The following ATP1B3 variants were observed in gnomAD, a reference collection of about 807,000 sequenced individuals.
ATP1B3 encodes the protein sodium/potassium-transporting ATPase subunit beta-3.
ATP1B3 carries 10 observed loss-of-function variants against 30.2 expected under a neutral mutation model. That is an observed-to-expected ratio of 0.33 (90% CI 0.20 to 0.56). ATP1B3 has a LOEUF of 0.56. ATP1B3 is among the 20% of genes least tolerant of loss of function. ATP1B3 has a pLI of 0.90. For synonymous variants in ATP1B3, 113 were observed against 117.0 expected, an observed-to-expected ratio of 0.97 and a Z score of 0.22; for missense variants, 238 against 336.7, an observed-to-expected ratio of 0.71 and a Z score of 2.29.
chr3:141,904,206 G>A (rs890170825), intron 2 of ATP1B3, among the ~76,000 whole-genome samples: 1 of 152,010 alleles, frequency 6.6e-6, no homozygotes, highest in African/African-American at 2.4e-5. Flanking sequence ...AATTTTTGTT[G>A]TTGTTGTTTA....
At chr3:141,904,398 G>T (rs572789467) in intron 2 of ATP1B3, among the ~76,000 whole-genome samples, 2 of 151,896 alleles carry the variant, frequency 1.3e-5, no homozygotes, top group South Asian at 2.1e-4. Context: ...AGTGACTTAT[G>T]AGTATCGTAG....
intron 5 of ATP1B3, among the ~76,000 whole-genome samples, chr3:141,917,092 A>T (rs1276652921): frequency 6.9e-6 from 1 of 145,922 alleles, no homozygotes; most frequent in Non-Finnish European, 1.5e-5. Context: ...TGACCTCGTG[A>T]TCTGCCCGCC....
intron 1 of ATP1B3, among the ~76,000 whole-genome samples, chr3:141,892,939 G>A (rs537126003): frequency 6.6e-6 from 1 of 152,222 alleles, no homozygotes; most frequent in South Asian, 2.1e-4. Flanking sequence ...ATAAGGAAAA[G>A]CAATTAAAAC....
At chr3:141,906,401 A>T (rs1576396596) in intron 2 of ATP1B3, among the ~76,000 whole-genome samples, 1 of 151,942 alleles carries the variant, frequency 6.6e-6, no homozygotes, top group African/African-American at 2.4e-5. Flanking sequence ...GCTGGTCTCG[A>T]CCTCCTGACC....
At chr3:141,913,557 G>A in intron 3 of ATP1B3, 95 bp from the exon 4 acceptor site, 1 of 1,087,754 alleles carries the variant, frequency 9.2e-7, no homozygotes, top group South Asian at 2.0e-5. Flanking sequence ...TGCTGTTTTT[G>A]TCTTTGAAGA....
chr3:141,903,528 C>G (rs747160668), intron 1 of ATP1B3, 92 bp from the exon 2 acceptor site: 460 of 1,556,752 alleles, frequency 3.0e-4, no homozygotes, highest in Non-Finnish European at 3.9e-4. Flanking sequence ...CGTACCCTTG[C>G]AAGAACAGTT....
rs1934405074 is a variant in ATP1B3, at chr3:141,913,551, GT to G, written c.347-96del. ...AAGTTATCTGGTAATTTACATTGCT[GT>G]TTTTGTCTTTGAAGAACATTTTCCA... On this transcript the variant is annotated intron_variant, in intron 3 of 6. Coordinates refer to ENST00000286371, the MANE Select transcript of ATP1B3 (RefSeq NM_001679.4). 5.7e-6 allele frequency: 6 copies of G among 1,056,962 alleles called. No individual in the cohort carries two copies. In the South Asian group the frequency reaches 7.9e-5, roughly 14 times the overall value. 65.5% of individuals were successfully genotyped at this position (1,056,962 alleles called of 1,614,324 possible). A position where few individuals can be genotyped will look rare whatever the true frequency, so the allele number is the denominator to read the frequency against.
intron 1 of ATP1B3, chr3:141,902,223 A>G: frequency 7.8e-7 from 1 of 1,286,472 alleles, no homozygotes. Flanking sequence ...TATTTTGGCC[A>G]CCTGGTAATT....
chr3:141,922,126 G>C, intron 6 of ATP1B3, 63 bp downstream of exon 6: 1 of 984,990 alleles, frequency 1.0e-6, no homozygotes, highest in Non-Finnish European at 1.5e-6. Context: ...ATGTGTTGAC[G>C]TACCACTTGT....
Position 141,925,563 on chromosome 3 carries a change from G to C in ATP1B3, c.702G>C (p.Gln234His). Residue 234 changes from glutamine (Q) to histidine (H), a missense_variant, in exon 7 of 7, where the codon CAG becomes CAC. Coordinates refer to ENST00000286371, the MANE Select transcript of ATP1B3 (RefSeq NM_001679.4). ...ATCTACAGCCATTGGTTGCTGTTCA[G>C]GTCAGCTTTGCTCCTAACAACACTG... The part of the protein sequence containing the change: ...VGYLQPLVAV[Q>H]VSFAPNNTGK... 1 of 1,613,200 alleles carries C rather than the reference G, an allele frequency of 6.2e-7. No individual in the cohort carries two copies. The highest frequency in any genetic ancestry group is 8.5e-7 in the Non-Finnish European group (1 of 1,179,622).
At chr3:141,882,786 A>G (rs373933310) in intron 1 of ATP1B3, among the ~76,000 whole-genome samples, 17 of 151,944 alleles carry the variant, frequency 1.1e-4, no homozygotes, top group African/African-American at 4.1e-4. Context: ...GTTTTTTTCC[A>G]TGTTGGTCAG....
chr3:141,903,705 C>G lies in ATP1B3; in HGVS notation c.195C>G (p.Leu65=). 3 of 1,614,104 alleles carry G rather than the reference C, an allele frequency of 1.9e-6. No homozygotes were observed. The highest frequency in any genetic ancestry group is 1.6e-4 in the Middle Eastern group (1 of 6,062). ...CGATGTGGGTTATGCTTCAGACTCT[C>G]AACGATGAGGTTCCAAAATACCGTG... ...SFTMWVMLQT[L]NDEVPKYRDQ... is the part of the protein sequence containing the mutation. Residue 65 remains leucine (L), a synonymous_variant, in exon 2 of 7, where the codon CTC becomes CTG. Coordinates refer to ENST00000286371, the MANE Select transcript of ATP1B3 (RefSeq NM_001679.4).
At chr3:141,881,395 G>C (rs544581402) in intron 1 of ATP1B3, among the ~76,000 whole-genome samples, 72 of 152,212 alleles carry the variant, frequency 4.7e-4, no homozygotes, top group African/African-American at 1.6e-3. Context: ...GACCAAAACT[G>C]TTAGCACCTA....
chr3:141,919,430 A>T (rs764761393), intron 5 of ATP1B3, among the ~76,000 whole-genome samples: 32 of 152,146 alleles, frequency 2.1e-4, no homozygotes, highest in Non-Finnish European at 4.0e-4. Context: ...GTGGCCTTTT[A>T]TATTATCAAC....
intron 3 of ATP1B3, among the ~76,000 whole-genome samples, chr3:141,913,097 G>A (rs1414947690): frequency 6.6e-6 from 1 of 151,882 alleles, no homozygotes; most frequent in Non-Finnish European, 1.5e-5. Flanking sequence ...CTTTAACATA[G>A]TTTACAAGAC....
intron 5 of ATP1B3, chr3:141,921,389 T>G (rs1373767526): frequency 6.6e-6 from 1 of 150,532 alleles, no homozygotes; most frequent in African/African-American, 2.4e-5. Flanking sequence ...GCTCATAAAT[T>G]TATTCCTGAT....
At chr3:141,892,659 A>C (rs1487321266) in intron 1 of ATP1B3, among the ~76,000 whole-genome samples, 3 of 122,266 alleles carry the variant, frequency 2.5e-5, no homozygotes, top group Non-Finnish European at 6.1e-5. Flanking sequence ...CTCAAAAAAA[A>C]AAAAAAAAAA....
chr3:141,877,614 A>G (rs932109325), intron 1 of ATP1B3: 3 of 150,968 alleles, frequency 2.0e-5, no homozygotes, highest in Middle Eastern at 6.9e-3. Context: ...TTCCTTACAA[A>G]TTTGCTTCTT....
intron 1 of ATP1B3, among the ~76,000 whole-genome samples, chr3:141,883,277 C>G (rs77714090): frequency 0.04 from 6,120 of 152,218 alleles, 411 homozygotes; most frequent in African/African-American, 0.14. Context: ...CACTTGTGGC[C>G]AGGAGTTAGA....
Sources: allele counts gnomAD v4.1 joint callset (sites outside exome capture counted in the v4.1 genomes callset), GRCh38; gene constraint gnomAD v4.1.1; transcripts MANE v1.5; gene names NCBI Gene and HGNC (gene_info 2026-07-23, HGNC 2026-07-21).